Variants in GNG2 observed in about 807,000 individuals in gnomAD.
GNG2 encodes the protein G protein subunit gamma 2.
A neutral mutation model predicts 5.5 loss-of-function variants in GNG2; 5 were observed. The ratio of observed to expected loss-of-function variants is 0.91; its 90% CI spans 0.48 to 1.92. The LOEUF (loss-of-function observed/expected upper bound fraction) is 1.92. Among genes scored for constraint, GNG2 ranks in the 30% most tolerant of loss-of-function variants. The pLI is 0.01. For synonymous variants in GNG2, 28 were observed against 32.0 expected (o/e 0.88, Z 0.42); for missense variants, 55 against 88.4 (o/e 0.62, Z 1.52).
intron 1 of GNG2, among the ~76,000 whole-genome samples, chr14:51,874,744 A>AG (rs1394076076): frequency 6.6e-6 from 1 of 152,124 alleles, no homozygotes; most frequent in Non-Finnish European, 1.5e-5. Context: ...CAAAAAAAAA[A>AG]AAGTCGGGTA....
chr14:51,914,270 C>A (rs1309673712), intron 2 of GNG2: 2 of 702,152 alleles, frequency 2.8e-6, no homozygotes, highest in African/African-American at 1.7e-5. Context: ...ACAAGCCAGA[C>A]CAAGGTAGAA....
intron 3 of GNG2, among the ~76,000 whole-genome samples, chr14:51,965,886 A>AGGGT (rs752962335): frequency 6.6e-6 from 1 of 152,056 alleles, no homozygotes; most frequent in Non-Finnish European, 1.5e-5. Flanking sequence ...GGCTGGGACC[A>AGGGT]GGGTGGGGCA....
intron 1 of GNG2, among the ~76,000 whole-genome samples, chr14:51,869,129 G>A (rs1285033739): frequency 6.6e-6 from 1 of 152,198 alleles, no homozygotes; most frequent in Non-Finnish European, 1.5e-5. Context: ...ACTAACATAT[G>A]TCAAGAATTA....
At chr14:51,935,844 GGA>G (rs1278567040) in intron 2 of GNG2, among the ~76,000 whole-genome samples, 2 of 152,008 alleles carry the variant, frequency 1.3e-5, no homozygotes, top group African/African-American at 2.4e-5. Context: ...AGAGAGAGCA[GGA>G]GAGAGAGAGC....
intron 2 of GNG2, among the ~76,000 whole-genome samples, chr14:51,882,618 T>TA (rs1234919010): frequency 2.0e-5 from 3 of 152,212 alleles, no homozygotes; most frequent in Non-Finnish European, 4.4e-5. Context: ...CTGGTCACAG[T>TA]AAAAATTTGT....
chr14:51,966,916 A>AT lies in GNG2; in HGVS notation c.*230dup, dbSNP rs2140312592. ...CTGACGAACTGCCTGGAGGAGGGGAATATATAAAAATAAAATTGGTGTCAC... is the reference window on the plus strand; with the variant it reads ...CTGACGAACTGCCTGGAGGAGGGGAATTATATAAAAATAAAATTGGTGTCAC... On this transcript the variant is annotated 3_prime_UTR_variant, in exon 4 of 4. Transcript: ENST00000556766. 3.7e-6 allele frequency: 1 copy of AT among 267,466 alleles called. No individual in the cohort carries two copies. The highest frequency in any genetic ancestry group is 7.0e-5 in the East Asian group (1 of 14,350). The allele number at this position is 267,466 out of a possible 1,614,324, so 16.6% of individuals were successfully genotyped here.
intron 2 of GNG2, among the ~76,000 whole-genome samples, chr14:51,904,914 G>C (rs1213119843): frequency 6.6e-6 from 1 of 152,242 alleles, no homozygotes; most frequent in East Asian, 1.9e-4. Context: ...TGCCCAGTCA[G>C]CTGGGGACAC....
chr14:51,890,366 G>A (rs1884770006), intron 2 of GNG2, among the ~76,000 whole-genome samples: 1 of 152,172 alleles, frequency 6.6e-6, no homozygotes, highest in Non-Finnish European at 1.5e-5. Context: ...TACTAGCCAA[G>A]GTTGGAGTTT....
At chr14:51,847,777 A>C (rs1046144876) in intron 2 of GNG2, among the ~76,000 whole-genome samples, 4 of 151,758 alleles carry the variant, frequency 2.6e-5, no homozygotes, top group Non-Finnish European at 4.4e-5. Context: ...CGCACTTCCA[A>C]CTAAAATTGA....
intron 2 of GNG2, among the ~76,000 whole-genome samples, chr14:51,905,368 A>G (rs942691623): frequency 1.3e-5 from 2 of 152,230 alleles, no homozygotes; most frequent in Non-Finnish European, 2.9e-5. Flanking sequence ...TGTTTACCAT[A>G]TAAACGAAAA....
intron 2 of GNG2, among the ~76,000 whole-genome samples, chr14:51,886,139 A>C (rs1437783866): frequency 6.6e-6 from 1 of 152,248 alleles, no homozygotes; most frequent in Non-Finnish European, 1.5e-5. Flanking sequence ...TACCATATGC[A>C]AAAAAGGTTG....
chr14:51,898,421 G>T (rs186654071), intron 2 of GNG2, among the ~76,000 whole-genome samples: 7 of 152,260 alleles, frequency 4.6e-5, no homozygotes, highest in African/African-American at 1.7e-4. Flanking sequence ...CAGGAGAAAT[G>T]ATGGGATGGT....
upstream of GNG2, among the ~76,000 whole-genome samples, chr14:51,859,931 T>C (rs1882347449): frequency 6.6e-6 from 1 of 152,182 alleles, no homozygotes; most frequent in Non-Finnish European, 1.5e-5. Context: ...ATTAGGCCTA[T>C]AGGTAGCATT....
intron 2 of GNG2, among the ~76,000 whole-genome samples, chr14:51,897,829 A>G (rs1885299547): frequency 6.6e-6 from 1 of 152,168 alleles, no homozygotes; most frequent in African/African-American, 2.4e-5. Context: ...TGTGCCCCAC[A>G]ATGTTTTGAG....
chr14:51,932,271 A>AAGAG (rs796128916), intron 2 of GNG2, among the ~76,000 whole-genome samples: 1 of 96,340 alleles, frequency 1.0e-5, no homozygotes, highest in African/African-American at 4.1e-5. Context: ...AAAAAAAAAA[A>AAGAG]AGAAAAGAAA....
chr14:51,838,252 T>G (rs886257423), intron 2 of GNG2, among the ~76,000 whole-genome samples: 2 of 152,182 alleles, frequency 1.3e-5, no homozygotes, highest in African/African-American at 4.8e-5. Flanking sequence ...GAGACAAGCC[T>G]GGCCAGCATG....
rs542609704 is a variant in GNG2, at chr14:51,907,010, C to T, written c.-30+29353C>T. On this transcript the variant is annotated intron_variant, in intron 2 of 3. Transcript: ENST00000556766. ...GACCTCGTGATCCGCCTGCCTTGGC[C>T]TCCCAAAGTGCTGGGATTACAGGCA... Among the ~76,000 whole-genome samples, 3 of 152,286 alleles carry T rather than the reference C, an allele frequency of 2.0e-5. No homozygotes were observed. In the South Asian group the frequency reaches 6.2e-4, roughly 32 times the overall value.
At chr14:51,908,028 T>A (rs1886038814) in intron 2 of GNG2, among the ~76,000 whole-genome samples, 1 of 152,230 alleles carries the variant, frequency 6.6e-6, no homozygotes, top group African/African-American at 2.4e-5. Context: ...CAAACATCTA[T>A]CTTCTAATAG....
chr14:51,885,187 T>A lies in GNG2; in HGVS notation c.-30+7530T>A, dbSNP rs142644362. On this transcript the variant is annotated intron_variant, in intron 2 of 3. Transcript: ENST00000556766. ...TTTGACTTATACCTCCAGGCCTTAG[T>A]TTCCCCATCTGTAAAATGGAGGTTA... Among the ~76,000 whole-genome samples, 9 of 152,302 alleles carry A rather than the reference T, an allele frequency of 5.9e-5. No homozygotes were observed. In the East Asian group the frequency reaches 1.7e-3, roughly 29 times the overall value.
Sources: gnomAD v4.1 joint callset for allele counts (sites outside exome capture counted in the v4.1 genomes callset) on GRCh38, gnomAD v4.1.1 for gene constraint, MANE v1.5 for transcripts, NCBI Gene and HGNC (gene_info 2026-07-23, HGNC 2026-07-21) for gene names.